Variants in ZFAT observed in about 807,000 individuals in gnomAD.
ZFAT encodes the protein zinc finger protein ZFAT.
ZFAT carries 64 observed loss-of-function variants against 117.7 expected under a neutral mutation model. The ratio of observed to expected loss-of-function variants is 0.54; its 90% CI spans 0.44 to 0.67. The LOEUF is 0.67. Ranked by LOEUF, ZFAT falls within the 30% of genes least tolerant of loss-of-function variation. ZFAT has a pLI of 0.00. For missense variants in ZFAT, 1,433 were observed against 1,584.5 expected (o/e 0.90, Z 1.62); for synonymous variants, 679 against 615.0 (o/e 1.10, Z -1.54).
chr8:134,646,061 T>G (rs1830871927), intron 2 of ZFAT, among the ~76,000 whole-genome samples: 1 of 151,306 alleles, frequency 6.6e-6, no homozygotes, highest in Admixed American at 6.6e-5. Context: ...ATAGAAAAAT[T>G]AGCCGGGCGT....
At chr8:134,796,135 T>G in the ZFAT span, 1 of 152,256 alleles carries the variant, frequency 6.6e-6, no homozygotes, top group Non-Finnish European at 1.5e-5. Context: ...GCAGTTCATG[T>G]GTATCCTTCA....
intron 11 of ZFAT, among the ~76,000 whole-genome samples, chr8:134,547,749 AGAG>A (rs1473897277): frequency 1.3e-5 from 2 of 152,234 alleles, no homozygotes; most frequent in Non-Finnish European, 2.9e-5. Flanking sequence ...CTCTTTGCTA[AGAG>A]GAGGGCTCCT....
intron 11 of ZFAT, among the ~76,000 whole-genome samples, chr8:134,554,786 G>T (rs1451799561): frequency 1.3e-5 from 2 of 152,214 alleles, no homozygotes; most frequent in Non-Finnish European, 2.9e-5. Flanking sequence ...CCAGTGCTGG[G>T]CTGTAAAACA....
intron 5 of ZFAT, among the ~76,000 whole-genome samples, chr8:134,607,323 A>G (rs531530346): frequency 6.6e-6 from 1 of 152,388 alleles, no homozygotes; most frequent in South Asian, 2.1e-4. Flanking sequence ...ATTTACAAGA[A>G]TAGAGGATTG....
the ZFAT span, chr8:134,785,441 A>G: frequency 3.3e-5 from 5 of 152,042 alleles, no homozygotes; most frequent in Admixed American, 1.3e-4. Context: ...CCTTCCTTAC[A>G]TTGGTTCAAA....
At chr8:134,663,599 G>C (rs999101465) in intron 1 of ZFAT, among the ~76,000 whole-genome samples, 2 of 152,054 alleles carry the variant, frequency 1.3e-5, no homozygotes, top group African/African-American at 4.8e-5. Context: ...TTAGCCGGGG[G>C]TGGGGGCATA....
the ZFAT span, among the ~76,000 whole-genome samples, chr8:134,725,138 CTTCCTGCCCGT>C: frequency 1.1e-4 from 17 of 152,210 alleles, no homozygotes; most frequent in Non-Finnish European, 4.4e-5. Context: ...GGCTACCATC[CTTCCTGCCCGT>C]TTCCTGGGCA....
chr8:134,704,224 C>A (rs772404196), intron 1 of ZFAT, among the ~76,000 whole-genome samples: 1 of 152,148 alleles, frequency 6.6e-6, no homozygotes, highest in Non-Finnish European at 1.5e-5. Context: ...ACCTGGCTAG[C>A]CCTGAACAAG....
intron 1 of ZFAT, among the ~76,000 whole-genome samples, chr8:134,678,590 T>A (rs1441228123): frequency 6.6e-6 from 1 of 152,136 alleles, no homozygotes; most frequent in East Asian, 1.9e-4. Context: ...CTACTTTAAA[T>A]TTCATATGGA....
chr8:134,635,903 T>A (rs1451296098), intron 3 of ZFAT, among the ~76,000 whole-genome samples: 1 of 152,190 alleles, frequency 6.6e-6, no homozygotes, highest in Non-Finnish European at 1.5e-5. Flanking sequence ...CCTACAGCTC[T>A]CACACGGCAA....
the ZFAT span, among the ~76,000 whole-genome samples, chr8:134,814,319 G>C: frequency 6.6e-6 from 1 of 152,268 alleles, no homozygotes; most frequent in South Asian, 2.1e-4. Context: ...TTTCCTTTCA[G>C]GATTTTTCAA....
chr8:134,624,699 C>T (rs1829378557), intron 3 of ZFAT, among the ~76,000 whole-genome samples: 1 of 152,196 alleles, frequency 6.6e-6, no homozygotes, highest in African/African-American at 2.4e-5. Flanking sequence ...CAGCCCTACA[C>T]TCTTAGTGCA....
chr8:134,720,939 G>A, the ZFAT span, among the ~76,000 whole-genome samples: 1 of 152,200 alleles, frequency 6.6e-6, no homozygotes, highest in African/African-American at 2.4e-5. Context: ...GGTCGGGAGG[G>A]CATGAATAAG....
chr8:134,625,485 G>A (rs569590283), intron 3 of ZFAT, among the ~76,000 whole-genome samples: 4 of 152,294 alleles, frequency 2.6e-5, no homozygotes, highest in South Asian at 2.1e-4. Context: ...TCCAGGAAAC[G>A]CTCCAGCAAG....
At chr8:134,824,159 T>C in the ZFAT span, among the ~76,000 whole-genome samples, 1 of 152,186 alleles carries the variant, frequency 6.6e-6, no homozygotes, top group Non-Finnish European at 1.5e-5. Flanking sequence ...GGGAATTGAG[T>C]GCTGCCTAGC....
At chr8:134,615,816 T>G (rs766173623) in intron 3 of ZFAT, among the ~76,000 whole-genome samples, 1 of 152,170 alleles carries the variant, frequency 6.6e-6, no homozygotes, top group African/African-American at 2.4e-5. Flanking sequence ...CACTAAACTT[T>G]CCAACCGATT....
At chr8:134,482,815 G>A (rs1817407572) in intron 15 of ZFAT, among the ~76,000 whole-genome samples, 1 of 152,218 alleles carries the variant, frequency 6.6e-6, no homozygotes, top group South Asian at 2.1e-4. Context: ...TTCCTGGTGT[G>A]CACAAATGTG....
chr8:134,653,075 T>TA (rs947987025), intron 2 of ZFAT, among the ~76,000 whole-genome samples: 2 of 150,578 alleles, frequency 1.3e-5, no homozygotes, highest in African/African-American at 4.9e-5. Context: ...ATACAGACAC[T>TA]AAAAAAAATT....
chr8:134,516,433 A>T (rs1421362843), intron 13 of ZFAT, among the ~76,000 whole-genome samples: 1 of 152,116 alleles, frequency 6.6e-6, no homozygotes, highest in African/African-American at 2.4e-5. Context: ...TAATATTCTA[A>T]TTTTTCATGT....
Sources: allele counts gnomAD v4.1 joint callset (sites outside exome capture counted in the v4.1 genomes callset), GRCh38; gene constraint gnomAD v4.1.1; transcripts MANE v1.5; gene names NCBI Gene and HGNC (gene_info 2026-07-23, HGNC 2026-07-21).